CHST11: variants seen among roughly 807,000 people sequenced by gnomAD.
CHST11 encodes the protein carbohydrate sulfotransferase 11.
Under a neutral mutation model 30.4 loss-of-function variants are expected in CHST11, and 9 were observed. The ratio of observed to expected loss-of-function variants is 0.30; its 90% CI spans 0.18 to 0.52. The LOEUF is 0.52. Ranked by LOEUF, CHST11 falls within the 20% of genes least tolerant of loss-of-function variation. The pLI is 0.97. For missense variants in CHST11, 348 were observed against 460.6 expected, an observed-to-expected ratio of 0.76 and a Z score of 2.24; for synonymous variants, 152 against 187.8, an observed-to-expected ratio of 0.81 and a Z score of 1.56.
chr12:104,549,500 A>G (rs905454276), intron 1 of CHST11, among the ~76,000 whole-genome samples: 14 of 152,218 alleles, frequency 9.2e-5, no homozygotes, highest in African/African-American at 3.4e-4. Context: ...TTTCTTTAAA[A>G]AACAAACAAA....
intron 1 of CHST11, among the ~76,000 whole-genome samples, chr12:104,461,377 T>C (rs1350060480): frequency 6.6e-6 from 1 of 152,232 alleles, no homozygotes; most frequent in African/African-American, 2.4e-5. Flanking sequence ...CTGTGATTTC[T>C]ACACAGGTTT....
chr12:104,478,070 A>C (rs1335130387), intron 1 of CHST11, among the ~76,000 whole-genome samples: 1 of 151,954 alleles, frequency 6.6e-6, no homozygotes, highest in Non-Finnish European at 1.5e-5. Context: ...TTGGGAAGCA[A>C]CCCCCCTAAC....
chr12:104,541,296 T>G (rs2038285429), intron 1 of CHST11, among the ~76,000 whole-genome samples: 2 of 152,218 alleles, frequency 1.3e-5, no homozygotes, highest in Non-Finnish European at 2.9e-5. Flanking sequence ...AAGTGATTCA[T>G]CTCGTGTCAG....
chr12:104,687,467 A>G (rs1376513637), intron 2 of CHST11, among the ~76,000 whole-genome samples: 1 of 152,254 alleles, frequency 6.6e-6, no homozygotes, highest in African/African-American at 2.4e-5. Flanking sequence ...CAACCACTGC[A>G]TTAAGTAGAT....
chr12:104,458,173 C>T lies in CHST11; in HGVS notation c.118+644C>T, dbSNP rs2037373702. On this transcript the variant is annotated intron_variant, in intron 1 of 2. Coordinates refer to ENST00000303694, the MANE Select transcript of CHST11 (RefSeq NM_018413.6). The surrounding 1 kb of genome is among the most constrained non-coding windows in gnomAD (Gnocchi z 5.7). ...CCCTCCACCACGCGCCGGCCGTTTG[C>T]CCCCGGGGTCCGGCTCCGCAGTGAC... Among the ~76,000 whole-genome samples, 3 of 152,058 alleles carry T rather than the reference C, an allele frequency of 2.0e-5. No individual in the cohort carries two copies. The highest frequency in any genetic ancestry group is 4.8e-5 in the African/African-American group (2 of 41,414).
intron 1 of CHST11, among the ~76,000 whole-genome samples, chr12:104,598,897 AGGTGACCCTCACCTCACAGGTTGGG>A (rs2038931956): frequency 2.4e-5 from 1 of 42,378 alleles, no homozygotes; most frequent in East Asian, 1.5e-3. Context: ...CTGAGTTGGG[AGGTGACCCTCACCTCACAGGTTGGG>A]CAGCACCTGT....
chr12:104,753,244 A>G (rs1313817165), intron 2 of CHST11, among the ~76,000 whole-genome samples: 1 of 152,220 alleles, frequency 6.6e-6, no homozygotes, highest in East Asian at 1.9e-4. Context: ...GTGCTCCACA[A>G]ATCGTTTTCC....
chr12:104,558,746 C>T (rs1950229390), intron 1 of CHST11, among the ~76,000 whole-genome samples: 1 of 151,804 alleles, frequency 6.6e-6, no homozygotes, highest in Non-Finnish European at 1.5e-5. Flanking sequence ...AACATGTTGC[C>T]AAGGCTGGTC....
intron 1 of CHST11, among the ~76,000 whole-genome samples, chr12:104,493,472 G>A (rs75075407): frequency 0.023 from 3,435 of 152,294 alleles, 130 homozygotes; most frequent in African/African-American, 0.079. Context: ...GGGTTCGTTG[G>A]TGAATGAAGT....
In CHST11 at chr12:104,458,311, C is replaced by T. The variant is rs2135946013; in HGVS notation, c.118+782C>T. Among the ~76,000 whole-genome samples the T allele has an allele frequency of 6.6e-6, 1 of 152,336 alleles. No homozygotes were observed. Among genetic ancestry groups the T allele is most frequent in the East Asian group, 1.9e-4 (1 of 5,170 alleles). ...TTTTGGAGGAAACTTTGGCCAGGTC[C>T]TGGGCTGACCGTCCGTTTGCATCCC... On this transcript the variant is annotated intron_variant, in intron 1 of 2. Transcript: ENST00000303694. The surrounding 1 kb of genome is among the most constrained non-coding windows in gnomAD (Gnocchi z 5.7).
At chr12:104,544,243 A>G (rs1409997377) in intron 1 of CHST11, among the ~76,000 whole-genome samples, 1 of 152,160 alleles carries the variant, frequency 6.6e-6, no homozygotes, top group African/African-American at 2.4e-5. Flanking sequence ...TTCTGGCTCT[A>G]AAGAAAGTAT....
At chr12:104,744,059 T>C (rs937775166) in intron 2 of CHST11, among the ~76,000 whole-genome samples, 17 of 152,242 alleles carry the variant, frequency 1.1e-4, no homozygotes, top group African/African-American at 4.1e-4. Context: ...AGTGCTGCAG[T>C]GAACACATGT....
intron 2 of CHST11, among the ~76,000 whole-genome samples, chr12:104,606,647 A>C (rs889797025): frequency 2.0e-5 from 3 of 152,098 alleles, no homozygotes; most frequent in Non-Finnish European, 4.4e-5. Context: ...CCCGGGTGAA[A>C]ACATGCTTCC....
chr12:104,578,111 G>A (rs1049893753), intron 1 of CHST11, among the ~76,000 whole-genome samples: 2 of 152,074 alleles, frequency 1.3e-5, no homozygotes, highest in Non-Finnish European at 1.5e-5. Flanking sequence ...TTTTGCAGCC[G>A]GAAGGAATCT....
intron 2 of CHST11, among the ~76,000 whole-genome samples, chr12:104,614,693 T>TTGTG (rs3039184): frequency 0.35 from 52,715 of 148,738 alleles, 9,352 homozygotes; most frequent in African/African-American, 0.4. Flanking sequence ...GCATGCATGC[T>TTGTG]TGTGTGTGTG....
At chr12:104,524,052 T>C (rs1213999346) in intron 1 of CHST11, among the ~76,000 whole-genome samples, 1 of 151,066 alleles carries the variant, frequency 6.6e-6, no homozygotes, top group Non-Finnish European at 1.5e-5. Flanking sequence ...TTTTTTTTTT[T>C]TTTTTGCCTC....
intron 2 of CHST11, among the ~76,000 whole-genome samples, chr12:104,615,155 G>T: frequency 6.6e-6 from 1 of 152,218 alleles, no homozygotes; most frequent in East Asian, 1.9e-4. Flanking sequence ...CCACAGGGGT[G>T]TGACGCCCCG....
intron 2 of CHST11, among the ~76,000 whole-genome samples, chr12:104,691,960 C>CT (rs1208722182): frequency 6.6e-6 from 1 of 152,220 alleles, no homozygotes; most frequent in African/African-American, 2.4e-5. Context: ...TCAGGAAACC[C>CT]TTTCTCTGCT....
chr12:104,520,037 G>C (rs944458383), intron 1 of CHST11, among the ~76,000 whole-genome samples: 1 of 152,204 alleles, frequency 6.6e-6, no homozygotes, highest in Non-Finnish European at 1.5e-5. Context: ...GGAACGGGGT[G>C]CAGGAGCTCC....
Sources: gnomAD v4.1 joint callset for allele counts (sites outside exome capture counted in the v4.1 genomes callset) on GRCh38, gnomAD v4.1.1 for gene constraint, Gnocchi (gnomAD v3.1) non-coding constraint, MANE v1.5 for transcripts, NCBI Gene and HGNC (gene_info 2026-07-23, HGNC 2026-07-21) for gene names.